The following COL24A1 variants were observed in gnomAD, a reference collection of about 807,000 sequenced individuals.
COL24A1 encodes the protein collagen alpha-1(XXIV) chain.
In COL24A1, 224 loss-of-function variants were observed where a neutral mutation model predicts 253.9. The ratio of observed to expected loss-of-function variants is 0.88; its 90% confidence interval spans 0.79 to 0.99. The LOEUF (loss-of-function observed/expected upper bound fraction) is 0.99, where lower values mean the gene tolerates loss of function less well. COL24A1 is among the 50% of genes least tolerant of loss of function. COL24A1 has a pLI of 0.00. For missense variants in COL24A1, 2,131 were observed against 2,068.5 expected (o/e 1.03, Z -0.59); for synonymous variants, 685 against 673.7 (o/e 1.02, Z -0.26).
intron 53 of COL24A1, among the ~76,000 whole-genome samples, chr1:85,763,350 A>G (rs1667020940): frequency 6.6e-6 from 1 of 151,956 alleles, no homozygotes; most frequent in Admixed American, 6.6e-5. Context: ...CCCGGGAAGC[A>G]GAGGTTGGAG....
chr1:85,818,351 T>G (rs1421786225), intron 45 of COL24A1, among the ~76,000 whole-genome samples: 1 of 152,188 alleles, frequency 6.6e-6, no homozygotes, highest in African/African-American at 2.4e-5. Flanking sequence ...GGGACCTGAA[T>G]AGATTATTTA....
intron 18 of COL24A1, among the ~76,000 whole-genome samples, chr1:86,021,182 C>T (rs987760105): frequency 6.6e-6 from 1 of 152,056 alleles, no homozygotes. Context: ...AGGAACATAA[C>T]ACAATTATTT....
chr1:85,819,495 G>C (rs1324969752), intron 45 of COL24A1, among the ~76,000 whole-genome samples: 1 of 151,448 alleles, frequency 6.6e-6, no homozygotes, highest in Non-Finnish European at 1.5e-5. Context: ...TTTTAAAATA[G>C]TCCAATGAAA....
chr1:85,764,494 ACACACACAC>A (rs1001648149), intron 53 of COL24A1, among the ~76,000 whole-genome samples: 2 of 113,610 alleles, frequency 1.8e-5, no homozygotes, highest in Non-Finnish European at 3.9e-5. Flanking sequence ...ACACACACAC[ACACACACAC>A]ACCATATTCC....
chr1:86,111,892 A>G (rs1047613214), intron 5 of COL24A1, among the ~76,000 whole-genome samples: 1 of 152,144 alleles, frequency 6.6e-6, no homozygotes, highest in African/African-American at 2.4e-5. Flanking sequence ...TTAAGCCAGC[A>G]AGATCAGGAA....
At chr1:85,905,064 A>G (rs979620602) in intron 28 of COL24A1, among the ~76,000 whole-genome samples, 3 of 152,146 alleles carry the variant, frequency 2.0e-5, no homozygotes, top group African/African-American at 7.2e-5. Flanking sequence ...GCAAGAGAGT[A>G]TAACTACCAG....
chr1:85,768,216 TGGTA>T (rs1453350546), intron 53 of COL24A1, among the ~76,000 whole-genome samples: 1 of 151,652 alleles, frequency 6.6e-6, no homozygotes, highest in African/African-American at 2.4e-5. Flanking sequence ...AGGTGGAAAA[TGGTA>T]CATCAGGACA....
intron 10 of COL24A1, among the ~76,000 whole-genome samples, chr1:86,056,066 C>G (rs147243295): frequency 6.0e-5 from 9 of 149,454 alleles, no homozygotes; most frequent in African/African-American, 2.2e-4. Context: ...TGCAGTGAGC[C>G]GAGATCACAC....
At chr1:85,962,181 T>C (rs753135484) in intron 23 of COL24A1, among the ~76,000 whole-genome samples, 23 of 152,148 alleles carry the variant, frequency 1.5e-4, no homozygotes, top group Non-Finnish European at 2.8e-4. Flanking sequence ...ACAGGTTAAG[T>C]ACTAAAGGAG....
In COL24A1 at chr1:85,962,835, T is replaced by C. The variant is rs929849849; in HGVS notation, c.2518-1542A>G. On this transcript the variant is annotated intron_variant, in intron 23 of 59. Transcript: ENST00000370571. ...TATTCCAGTGTAGAACAGTAAGATG[T>C]TAAGATACTGAAAAATATTGTAGCC... is the stretch of plus-strand genomic sequence containing the variant. Among the ~76,000 whole-genome samples, 10 of 152,168 alleles carry C rather than the reference T, an allele frequency of 6.6e-5. No homozygotes were observed. In the East Asian group the frequency reaches 1.7e-3, roughly 26 times the overall value.
At chr1:86,121,942 T>C (rs1322878709) in intron 3 of COL24A1, among the ~76,000 whole-genome samples, 3 of 152,086 alleles carry the variant, frequency 2.0e-5, no homozygotes, top group Non-Finnish European at 4.4e-5. Context: ...CATGGGTATA[T>C]AGGCAGGAAA....
chr1:86,144,024 G>C (rs1651520237), intron 2 of COL24A1, among the ~76,000 whole-genome samples: 1 of 151,854 alleles, frequency 6.6e-6, no homozygotes, highest in Non-Finnish European at 1.5e-5. Flanking sequence ...ATTTCTTTTA[G>C]GAAAAAAGTG....
chr1:85,800,164 T>C (rs1403642408), intron 47 of COL24A1, among the ~76,000 whole-genome samples: 1 of 152,184 alleles, frequency 6.6e-6, no homozygotes, highest in Non-Finnish European at 1.5e-5. Flanking sequence ...CTTCAACCTC[T>C]CCATATTTAC....
chr1:85,873,518 A>G (rs1680778387), intron 35 of COL24A1, among the ~76,000 whole-genome samples: 3 of 152,240 alleles, frequency 2.0e-5, no homozygotes, highest in African/African-American at 7.2e-5. Context: ...ATAAAAAAGG[A>G]TGAGTTCATG....
intron 3 of COL24A1, 35 bp from the exon 4 acceptor site, chr1:86,115,413 A>G (rs781715538): frequency 6.3e-7 from 1 of 1,584,498 alleles, no homozygotes; most frequent in Admixed American, 1.7e-5. Flanking sequence ...TAGGCATGAT[A>G]GTGGACACAT....
chr1:85,868,579 T>C lies in COL24A1; in HGVS notation c.3240A>G (p.Gly1080=). The change falls in exon 37 of 60, where the codon GGA becomes GGG. Residue 1080 remains glycine (G), a synonymous_variant. Coordinates refer to ENST00000370571, the MANE Select transcript of COL24A1 (RefSeq NM_152890.7). ...CTATAATTCCTGGTAAGCCCATCTC[T>C]CCTTTTTCTCCATCCTCTCCAGGAA... ...RGLPGEDGEK[G]EMGLPGIIGP... 6.2e-7 allele frequency: 1 copy of C among 1,613,946 alleles called. No homozygotes were observed. The highest frequency in any genetic ancestry group is 1.1e-5 in the South Asian group (1 of 91,072).
intron 19 of COL24A1, among the ~76,000 whole-genome samples, chr1:86,003,551 A>G (rs1475718568): frequency 2.0e-5 from 3 of 152,180 alleles, no homozygotes; most frequent in East Asian, 3.9e-4. Context: ...TGGTTGGGTC[A>G]GCTTGGTAGG....
At chr1:86,074,372 T>C (rs1702095639) in intron 7 of COL24A1, among the ~76,000 whole-genome samples, 1 of 152,156 alleles carries the variant, frequency 6.6e-6, no homozygotes, top group Non-Finnish European at 1.5e-5. Context: ...GGGCATTGCA[T>C]AATGGTAAAG....
intron 47 of COL24A1, among the ~76,000 whole-genome samples, chr1:85,790,414 T>G (rs1476240518): frequency 6.6e-6 from 1 of 152,216 alleles, no homozygotes; most frequent in Non-Finnish European, 1.5e-5. Flanking sequence ...CTTTATCATT[T>G]TTTATTGTGT....
Sources: gnomAD v4.1 joint callset for allele counts (sites outside exome capture counted in the v4.1 genomes callset) on GRCh38, gnomAD v4.1.1 for gene constraint, MANE v1.5 for transcripts, NCBI Gene and HGNC (gene_info 2026-07-23, HGNC 2026-07-21) for gene names.